The following CDC42BPA variants were observed in gnomAD, a reference collection of about 807,000 sequenced individuals.
CDC42BPA encodes the protein CDC42 binding protein kinase alpha.
CDC42BPA carries 80 observed loss-of-function variants against 223.5 expected under a neutral mutation model. The ratio of observed to expected loss-of-function variants is 0.36; its 90% CI spans 0.30 to 0.43. The LOEUF (loss-of-function observed/expected upper bound fraction) is 0.43, where lower values mean the gene tolerates loss of function less well. CDC42BPA is among the 20% of genes least tolerant of loss of function. The probability of loss-of-function intolerance (pLI) is 1.00; values close to 1 mark genes in which losing one functional copy is unlikely to be tolerated. For missense variants in CDC42BPA, 1,743 were observed against 2,099.9 expected (o/e 0.83, Z 3.32); for synonymous variants, 694 against 718.6 (o/e 0.97, Z 0.55).
At chr1:227,149,226 A>T (rs1661284696) in intron 6 of CDC42BPA, among the ~76,000 whole-genome samples, 1 of 152,202 alleles carries the variant, frequency 6.6e-6, no homozygotes, top group Admixed American at 6.5e-5. Flanking sequence ...AATTCGTAAC[A>T]TTACATCACA....
chr1:227,212,986 A>C, intron 3 of CDC42BPA, 150 bp downstream of exon 3: 1 of 487,356 alleles, frequency 2.1e-6, no homozygotes, highest in Non-Finnish European at 3.7e-6. Flanking sequence ...TAATTATATC[A>C]CAATTGTGTT....
rs1659230208 is a variant in CDC42BPA, at chr1:227,139,251, T to A, written c.1390+325A>T. Among the ~76,000 whole-genome samples the A allele has an allele frequency of 2.0e-5, 3 of 152,100 alleles. No individual in the cohort carries two copies. The South Asian group carries it at 6.2e-4, about 32-fold the overall frequency. On this transcript the variant is annotated intron_variant, in intron 10 of 36. Coordinates refer to ENST00000366766, the MANE Select transcript of CDC42BPA (RefSeq NM_001394014.1). ...GAAAGGAGCTAGAGCTCTTAAAGAT[T>A]GAGCAAATAATATAGGAAAAGTCAT...
chr1:227,122,326 ATGT>A (rs1688793662), intron 11 of CDC42BPA, among the ~76,000 whole-genome samples: 3 of 151,856 alleles, frequency 2.0e-5, no homozygotes, highest in Admixed American at 1.3e-4. Context: ...CTTCTCTAAC[ATGT>A]TGTTTTTTCA....
intron 17 of CDC42BPA, among the ~76,000 whole-genome samples, chr1:227,080,083 G>A (rs1285196738): frequency 1.3e-5 from 2 of 151,980 alleles, no homozygotes; most frequent in East Asian, 1.9e-4. Context: ...GTGGTGTCAC[G>A]TCAGCACTCA....
chr1:227,236,559 T>G (rs1236317159), intron 2 of CDC42BPA, among the ~76,000 whole-genome samples: 1 of 151,980 alleles, frequency 6.6e-6, no homozygotes, highest in African/African-American at 2.4e-5. Flanking sequence ...CTTTTTAAAT[T>G]ATCTTATACC....
intron 5 of CDC42BPA, among the ~76,000 whole-genome samples, chr1:227,185,694 C>G (rs1668656754): frequency 6.6e-6 from 1 of 152,078 alleles, no homozygotes; most frequent in African/African-American, 2.4e-5. Flanking sequence ...CTTTCCTCCC[C>G]CTTCTCTCTT....
At chr1:227,093,787 A>G (rs1346864792) in intron 15 of CDC42BPA, among the ~76,000 whole-genome samples, 1 of 152,110 alleles carries the variant, frequency 6.6e-6, no homozygotes. Context: ...AATAAACTCT[A>G]TATTAATTTT....
chr1:227,113,504 C>T (rs994991414), intron 12 of CDC42BPA, among the ~76,000 whole-genome samples: 5 of 152,092 alleles, frequency 3.3e-5, no homozygotes, highest in African/African-American at 7.2e-5. Flanking sequence ...TTCCAAAATA[C>T]TCAAAGAACA....
rs887828266 is a variant in CDC42BPA, at chr1:227,260,566, T to C, written c.179-6411A>G. Among the ~76,000 whole-genome samples the C allele has an allele frequency of 2.4e-4, 36 of 148,654 alleles. 2 individuals are homozygous for C. The highest frequency in any genetic ancestry group is 8.4e-4 in the African/African-American group (33 of 39,398). ...AGCTACCATGGTGTCAGAAAGAAAGTGTCCAATAGAAAGAGAGAGTGGAAA... is the reference window on the plus strand; with the variant it reads ...AGCTACCATGGTGTCAGAAAGAAAGCGTCCAATAGAAAGAGAGAGTGGAAA... On this transcript the variant is annotated intron_variant, in intron 1 of 36. Coordinates refer to ENST00000366766, the MANE Select transcript of CDC42BPA (RefSeq NM_001394014.1).
intron 2 of CDC42BPA, among the ~76,000 whole-genome samples, chr1:227,223,779 AAAC>A (rs1477916708): frequency 2.6e-5 from 4 of 152,228 alleles, no homozygotes; most frequent in African/African-American, 9.6e-5. Flanking sequence ...GATGGTGCAA[AAAC>A]AACATGAATT....
intron 5 of CDC42BPA, among the ~76,000 whole-genome samples, chr1:227,178,784 C>T (rs1178253122): frequency 6.6e-6 from 1 of 152,226 alleles, no homozygotes; most frequent in Non-Finnish European, 1.5e-5. Flanking sequence ...CATGAGCCAC[C>T]AGGCCTGGCC....
chr1:227,005,372 G>C (rs866569050), intron 34 of CDC42BPA, among the ~76,000 whole-genome samples: 7 of 152,022 alleles, frequency 4.6e-5, no homozygotes, highest in African/African-American at 1.4e-4. Context: ...TTTTTTGTTT[G>C]TAAACACAGT....
intron 14 of CDC42BPA, among the ~76,000 whole-genome samples, chr1:227,102,575 G>A (rs1217931420): frequency 6.6e-6 from 1 of 152,032 alleles, no homozygotes; most frequent in East Asian, 1.9e-4. Context: ...AGCATGTACA[G>A]TAAGTTTCAA....
intron 35 of CDC42BPA, among the ~76,000 whole-genome samples, chr1:226,999,269 C>T (rs1374138559): frequency 1.9e-4 from 29 of 151,954 alleles, no homozygotes; most frequent in Admixed American, 1.9e-3. Flanking sequence ...CTCTGCCTCC[C>T]AGATTCACGC....
In CDC42BPA at chr1:227,179,463, C is replaced by A. The variant is rs372634732; in HGVS notation, c.599+14323G>T. Among the ~76,000 whole-genome samples, 192 of 151,302 alleles carry A rather than the reference C, an allele frequency of 1.3e-3. 2 individuals carry two copies. Among genetic ancestry groups the A allele is most frequent in the African/African-American group, 4.3e-3 (177 of 41,204 alleles). On this transcript the variant is annotated intron_variant, in intron 5 of 36. Transcript: ENST00000366766. ...CATCCTGGCTAACATGGTGAAACTC[C>A]GTCTCTACTAAAAATACAAAAAATT...
intron 1 of CDC42BPA, among the ~76,000 whole-genome samples, chr1:227,270,284 G>T (rs987495529): frequency 1.3e-5 from 2 of 151,978 alleles, no homozygotes; most frequent in African/African-American, 4.8e-5. Context: ...ATAGGAAGAG[G>T]GTCTAAAAGG....
chr1:227,300,674 G>C (rs1426413203), intron 1 of CDC42BPA, among the ~76,000 whole-genome samples: 3 of 152,150 alleles, frequency 2.0e-5, no homozygotes, highest in Non-Finnish European at 4.4e-5. Context: ...ACTCAGAAGG[G>C]AGAAGGAAGA....
intron 1 of CDC42BPA, among the ~76,000 whole-genome samples, chr1:227,304,660 A>G (rs1692249149): frequency 6.6e-6 from 1 of 152,200 alleles, no homozygotes. Context: ...AATGTCTCCT[A>G]TGGGGTGCAG....
chr1:227,162,868 A>ATGTG (rs36157906), intron 5 of CDC42BPA, among the ~76,000 whole-genome samples: 2,367 of 149,456 alleles, frequency 0.016, 50 homozygotes, highest in African/African-American at 0.055. Context: ...ATAAATATAT[A>ATGTG]TGTGTGTGTG....
Sources: allele counts gnomAD v4.1 joint callset (sites outside exome capture counted in the v4.1 genomes callset), GRCh38; gene constraint gnomAD v4.1.1; transcripts MANE v1.5; gene names NCBI Gene and HGNC (gene_info 2026-07-23, HGNC 2026-07-21).